SDK1: variants seen among roughly 807,000 people sequenced by gnomAD.
SDK1 encodes the protein protein sidekick-1.
Under a neutral mutation model 245.5 loss-of-function variants are expected in SDK1, and 157 were observed. That is an observed-to-expected ratio of 0.64 (90% confidence interval 0.56 to 0.73). SDK1 has a LOEUF of 0.73. Among genes scored for constraint, SDK1 ranks in the 30% least tolerant of loss-of-function variants. SDK1 has a pLI of 0.00. For synonymous variants in SDK1, 1,647 were observed against 1,278.5 expected, an observed-to-expected ratio of 1.29 and a Z score of -6.15; for missense variants, 3,583 against 3,002.3, an observed-to-expected ratio of 1.19 and a Z score of -4.52.
chr7:3,356,136 C>G (rs915555353), intron 1 of SDK1, among the ~76,000 whole-genome samples: 1 of 152,242 alleles, frequency 6.6e-6, no homozygotes, highest in East Asian at 1.9e-4. Flanking sequence ...ATTTTCTTAG[C>G]TTGTAAGAAT....
chr7:3,618,907 G>A (rs1781850921), intron 1 of SDK1, among the ~76,000 whole-genome samples, 173 bp from the exon 2 acceptor site: 1 of 152,102 alleles, frequency 6.6e-6, no homozygotes, highest in African/African-American at 2.4e-5. Context: ...ATTATCTGGG[G>A]TATTGCATGT....
intron 17 of SDK1, among the ~76,000 whole-genome samples, chr7:4,040,121 T>A (rs1244923990): frequency 6.6e-6 from 1 of 152,178 alleles, no homozygotes; most frequent in Non-Finnish European, 1.5e-5. Context: ...CAAATCTGTC[T>A]CACCACACTG....
At position 3,410,578 on chromosome 7, in the gene SDK1, C is replaced by CTTTTTT. The variant is rs776277920; in HGVS notation, c.298+108714_298+108719dup. On this transcript the variant is annotated intron_variant, in intron 1 of 44. Coordinates refer to ENST00000404826, the MANE Select transcript of SDK1 (RefSeq NM_152744.4). ...TCATAAGTGGCAGGTGAAATGATAT[C>CTTTTTT]TTTTTTTTTTTTTTTTTTTTTTTTT... Among the ~76,000 whole-genome samples the CTTTTTT allele has an allele frequency of 4.1e-4, 34 of 82,054 alleles. 1 individual carries two copies. Among genetic ancestry groups the CTTTTTT allele is most frequent in the South Asian group, 1.4e-3 (3 of 2,080 alleles). The allele number at this position is 82,054 out of a possible 152,430, so 53.8% of individuals were successfully genotyped here. A position where few individuals can be genotyped will look rare whatever the true frequency, so the allele number is the denominator to read the frequency against.
At chr7:3,632,951 T>G (rs1050958777) in intron 2 of SDK1, among the ~76,000 whole-genome samples, 3 of 152,202 alleles carry the variant, frequency 2.0e-5, no homozygotes, top group Non-Finnish European at 2.9e-5. Context: ...TTTTTTAAAT[T>G]TCATGTAGAA....
At chr7:3,340,830 T>C (rs897166917) in intron 1 of SDK1, among the ~76,000 whole-genome samples, 1 of 151,356 alleles carries the variant, frequency 6.6e-6, no homozygotes, top group Non-Finnish European at 1.5e-5. Flanking sequence ...TATACTGTAA[T>C]GTTAAAGCCA....
At chr7:3,757,426 G>A (rs1365729038) in intron 4 of SDK1, among the ~76,000 whole-genome samples, 1 of 151,992 alleles carries the variant, frequency 6.6e-6, no homozygotes, top group Non-Finnish European at 1.5e-5. Flanking sequence ...TAATAGAGAT[G>A]GGGTCTCACT....
At chr7:3,964,822 C>T (rs890450193) in intron 9 of SDK1, among the ~76,000 whole-genome samples, 1 of 152,274 alleles carries the variant, frequency 6.6e-6, no homozygotes, top group Non-Finnish European at 1.5e-5. Flanking sequence ...GGAGACTGAC[C>T]AGGTGTGTAG....
intron 42 of SDK1, among the ~76,000 whole-genome samples, chr7:4,239,624 A>C (rs796293569): frequency 7.2e-5 from 11 of 152,272 alleles, no homozygotes; most frequent in African/African-American, 2.6e-4. Context: ...TCAGCCTCCC[A>C]AAGTGCTGGG....
At chr7:3,540,252 C>A (rs963358514) in intron 1 of SDK1, among the ~76,000 whole-genome samples, 1 of 152,162 alleles carries the variant, frequency 6.6e-6, no homozygotes, top group African/African-American at 2.4e-5. Flanking sequence ...ACTAAAAATA[C>A]AAAAATTAGC....
At chr7:3,585,771 A>C (rs1780666616) in intron 1 of SDK1, among the ~76,000 whole-genome samples, 1 of 152,128 alleles carries the variant, frequency 6.6e-6, no homozygotes, top group South Asian at 2.1e-4. Context: ...GAAACGGGGG[A>C]GAAATCTAAA....
intron 44 of SDK1, among the ~76,000 whole-genome samples, chr7:4,250,917 C>A (rs1256605701): frequency 2.6e-5 from 4 of 152,142 alleles, no homozygotes; most frequent in Non-Finnish European, 5.9e-5. Context: ...TAAAAAGAAA[C>A]CCCATAACTC....
chr7:4,141,709 A>G (rs1006561164), intron 28 of SDK1, among the ~76,000 whole-genome samples: 1 of 152,210 alleles, frequency 6.6e-6, no homozygotes, highest in African/African-American at 2.4e-5. Context: ...CCAGGCCTCC[A>G]AGCATCTTCC....
At chr7:3,458,736 C>T (rs148793306) in intron 1 of SDK1, among the ~76,000 whole-genome samples, 2 of 152,232 alleles carry the variant, frequency 1.3e-5, no homozygotes, top group East Asian at 3.9e-4. Context: ...TTCTCCAGTG[C>T]AGCGCAGTGT....
chr7:3,754,623 A>G (rs1174110852), intron 4 of SDK1, among the ~76,000 whole-genome samples: 1 of 146,050 alleles, frequency 6.8e-6, no homozygotes, highest in Non-Finnish European at 1.5e-5. Flanking sequence ...GTCCCAGGGA[A>G]GTTCTCCCCG....
intron 1 of SDK1, among the ~76,000 whole-genome samples, chr7:3,482,871 TAAG>T (rs1781560939): frequency 6.6e-6 from 1 of 152,204 alleles, no homozygotes; most frequent in African/African-American, 2.4e-5. Flanking sequence ...ATCTGTGTAA[TAAG>T]CTTAGAAAAT....
chr7:3,898,811 T>A (rs1320824843), intron 5 of SDK1, among the ~76,000 whole-genome samples: 1 of 152,222 alleles, frequency 6.6e-6, no homozygotes, highest in Non-Finnish European at 1.5e-5. Flanking sequence ...AGATGGTGAT[T>A]GTTTCATTTT....
chr7:3,655,049 C>CTTTTTTTTTTTTTT (rs10663969), intron 4 of SDK1, among the ~76,000 whole-genome samples: 1 of 144,308 alleles, frequency 6.9e-6, no homozygotes, highest in African/African-American at 2.5e-5. Flanking sequence ...TCATAGCTTG[C>CTTTTTTTTTTTTTT]TTTTTTTTTT....
intron 4 of SDK1, among the ~76,000 whole-genome samples, chr7:3,662,139 CACA>C (rs1271246040): frequency 2.7e-5 from 4 of 149,960 alleles, no homozygotes; most frequent in African/African-American, 7.4e-5. Flanking sequence ...CATCTGGAGG[CACA>C]ACAATTATTT....
intron 22 of SDK1, among the ~76,000 whole-genome samples, chr7:4,090,393 C>G (rs552965038): frequency 6.6e-5 from 10 of 152,272 alleles, no homozygotes; most frequent in African/African-American, 2.4e-4. Flanking sequence ...TTGGCCTATT[C>G]CTGAAAGCAA....
Sources: gnomAD v4.1 joint callset for allele counts (sites outside exome capture counted in the v4.1 genomes callset) on GRCh38, gnomAD v4.1.1 for gene constraint, MANE v1.5 for transcripts, NCBI Gene and HGNC (gene_info 2026-07-23, HGNC 2026-07-21) for gene names.